EP400: variants seen among roughly 807,000 people sequenced by gnomAD.
EP400 encodes the protein E1A-binding protein p400.
EP400 carries 105 observed loss-of-function variants against 354.1 expected under a neutral mutation model. That is an observed-to-expected ratio of 0.30 (90% confidence interval 0.25 to 0.35). EP400 has a LOEUF of 0.35. EP400 is among the 10% of genes least tolerant of loss of function. The pLI is 1.00. For missense variants in EP400, 3,280 were observed against 4,121.0 expected (o/e 0.80, Z 5.59); for synonymous variants, 1,646 against 1,716.9 (o/e 0.96, Z 1.02).
chr12:132,064,826 C>T lies in EP400; in HGVS notation c.8493C>T (p.Ala2831=), dbSNP rs371615156. 15 of 1,612,296 alleles carry T rather than the reference C, an allele frequency of 9.3e-6. No homozygotes were observed. Among genetic ancestry groups the T allele is most frequent in the Admixed American group, 1.7e-5 (1 of 59,930 alleles). Residue 2831 remains alanine (A), a synonymous_variant, in exon 48 of 53, where the codon GCC becomes GCT. Coordinates refer to ENST00000389561, the MANE Select transcript of EP400 (RefSeq NM_015409.5). ...GCCCCCAGCTCACGACGGTCACGGC[C>T]CCAAGGCCTGGTGCCCTGCTGACGG... is the stretch of plus-strand genomic sequence containing the variant. ...QQSPQLTTVT[A]PRPGALLTGT...
chr12:132,071,148 T>C (rs1378473052), intron 51 of EP400, among the ~76,000 whole-genome samples: 1 of 152,224 alleles, frequency 6.6e-6, no homozygotes, highest in African/African-American at 2.4e-5. Context: ...GAAAATTCTG[T>C]TCTTTTCTAC....
chr12:132,029,254 C>T lies in EP400; in HGVS notation c.5382-447C>T, dbSNP rs368864657. ...CAAGGTGGGCCTTAGGTTGGCTGTG[C>T]GATCTTCGCTCTATTGTCATTGTCC... On this transcript the variant is annotated intron_variant, in intron 27 of 52. Transcript: ENST00000389561. This position sits in a 1 kb window ranked among gnomAD's most constrained non-coding sequence, Gnocchi z 4.7. 21 of 170,838 alleles carry T rather than the reference C, an allele frequency of 1.2e-4. No individual in the cohort carries two copies. The East Asian group carries it at 2.5e-3, about 21-fold the overall frequency. The allele number at this position is 170,838 out of a possible 1,614,324, so 10.6% of individuals were successfully genotyped here.
intron 23 of EP400, among the ~76,000 whole-genome samples, chr12:132,022,882 G>C (rs1436077090): frequency 1.3e-5 from 2 of 152,122 alleles, no homozygotes; most frequent in Non-Finnish European, 2.9e-5. Flanking sequence ...TGAGGCTGCA[G>C]TGAGCTATAA....
At chr12:132,049,913 C>G (rs61944621) in intron 39 of EP400, among the ~76,000 whole-genome samples, 19,138 of 152,232 alleles carry the variant, frequency 0.13, 1,652 homozygotes, top group African/African-American at 0.24. Flanking sequence ...GCCTCACTGT[C>G]CACCGTGGGC....
rs1338503971 is a variant in EP400 at position 132,075,626 on chromosome 12, A to G, written c.9022-890A>G. 1 of 152,260 alleles carries G rather than the reference A, an allele frequency of 6.6e-6. No homozygotes were observed. The highest frequency in any genetic ancestry group is 2.4e-5 in the African/African-American group (1 of 41,466). The allele number at this position is 152,260 out of a possible 1,614,324, so 9.4% of individuals were successfully genotyped here. On this transcript the variant is annotated intron_variant, in intron 51 of 52. Coordinates refer to ENST00000389561, the MANE Select transcript of EP400 (RefSeq NM_015409.5). This position sits in a 1 kb window ranked among gnomAD's most constrained non-coding sequence, Gnocchi z 4.5. Reference sequence around the variant, plus strand: ...ATAATTGTTTAAGTGACAGTAAACTAGTAAATGCCTTCTGATTGATTTTAA... The same window carrying G: ...ATAATTGTTTAAGTGACAGTAAACTGGTAAATGCCTTCTGATTGATTTTAA...
chr12:131,990,042 C>A lies in EP400; in HGVS notation c.2488C>A (p.Leu830Met). 6.2e-7 allele frequency: 1 copy of A among 1,613,588 alleles called. No individual in the cohort carries two copies. The highest frequency in any genetic ancestry group is 8.5e-7 in the Non-Finnish European group (1 of 1,179,906). The change falls in exon 8 of 53, where the codon CTG becomes ATG. Residue 830 changes from leucine (L) to methionine (M), a missense_variant. Transcript: ENST00000389561. The surrounding 1 kb of genome is among the most constrained non-coding windows in gnomAD (Gnocchi z 4.2). ...GGGGAAGAAGGAAGAGCAGAGCAGA[C>A]TGAGGCGGATAGCCGCCTCCACGGC... ...ERGKKEEQSRLRRIAASTARE... is the reference protein window; with the variant it reads ...ERGKKEEQSRMRRIAASTARE...
At chr12:131,967,375 T>C (rs1387470470) in intron 2 of EP400, among the ~76,000 whole-genome samples, 1 of 150,252 alleles carries the variant, frequency 6.7e-6, no homozygotes, top group Non-Finnish European at 1.5e-5. Flanking sequence ...AGCAAGACTC[T>C]GACTCAAAAA....
rs1895255637 is a variant in EP400, at chr12:132,050,580, C to G, written c.7338-19C>G. On this transcript the variant is annotated intron_variant, in intron 40 of 52. Coordinates refer to ENST00000389561, the MANE Select transcript of EP400 (RefSeq NM_015409.5). This position sits in a 1 kb window ranked among gnomAD's most constrained non-coding sequence, Gnocchi z 4.8. ...ATTTCCTTTATTTAATAATTGCTGT[C>G]TCACTGTCTATACTTCAGGCTTGGC... The G allele has an allele frequency of 6.2e-7, 1 of 1,614,138 alleles. No individual in the cohort carries two copies. The highest frequency in any genetic ancestry group is 8.5e-7 in the Non-Finnish European group (1 of 1,179,972).
Position 131,992,235 on chromosome 12 carries a change from G to A in EP400, c.2737+5G>A. On this transcript the variant is annotated splice_donor_5th_base_variant and intron_variant, in intron 11 of 52. Coordinates refer to ENST00000389561, the MANE Select transcript of EP400 (RefSeq NM_015409.5). Reference sequence around the variant, plus strand: ...TATCTTTGACTGATGACGAAGGTCTGTTCCCCCTCAGCACTATCTTTGTCA... The same window carrying A: ...TATCTTTGACTGATGACGAAGGTCTATTCCCCCTCAGCACTATCTTTGTCA... The A allele has an allele frequency of 1.9e-6, 3 of 1,609,486 alleles. No individual in the cohort carries two copies. Among genetic ancestry groups the A allele is most frequent in the South Asian group, 1.1e-5 (1 of 90,922 alleles).
At position 132,020,038 on chromosome 12, in the gene EP400, T is replaced by C. The variant is rs1894072727; in HGVS notation, c.4278-11T>C. Reference sequence around the variant, plus strand: ...CTCTGTATCTTCTTGCCTGGACCAATGGGCATCTAGGTTGTTTCAGCCTGT... The same window carrying C: ...CTCTGTATCTTCTTGCCTGGACCAACGGGCATCTAGGTTGTTTCAGCCTGT... On this transcript the variant is annotated splice_polypyrimidine_tract_variant and intron_variant, in intron 21 of 52. Coordinates refer to ENST00000389561, the MANE Select transcript of EP400 (RefSeq NM_015409.5). 2 of 1,518,948 alleles carry C rather than the reference T, an allele frequency of 1.3e-6. No homozygotes were observed. The allele number at this position is 1,518,948 out of a possible 1,614,324, so 94.1% of individuals were successfully genotyped here. A position where few individuals can be genotyped will look rare whatever the true frequency, so the allele number is the denominator to read the frequency against.
intron 11 of EP400, 77 bp downstream of exon 11, chr12:131,992,307 G>T: frequency 1.5e-6 from 2 of 1,348,854 alleles, no homozygotes; most frequent in South Asian, 1.3e-5. Context: ...GCGACTTGGG[G>T]TTTAGTCTTG....
intron 45 of EP400, among the ~76,000 whole-genome samples, chr12:132,058,918 T>C (rs930398332): frequency 2.6e-5 from 4 of 151,886 alleles, no homozygotes; most frequent in Admixed American, 1.3e-4. Flanking sequence ...TCCTGAATAG[T>C]TGGGATGCGA....
At chr12:132,028,451 G>A (rs1275627810) in intron 27 of EP400, among the ~76,000 whole-genome samples, 163 bp downstream of exon 27, 1 of 152,198 alleles carries the variant, frequency 6.6e-6, no homozygotes, top group African/African-American at 2.4e-5. Flanking sequence ...TCAGCTTTGG[G>A]ATCAGATGGT....
chr12:131,986,632 C>G lies in EP400; in HGVS notation c.2048C>G (p.Ala683Gly). ...VSGSGPGPSP[A>G]RSSPVNRPSS... ...GGCTCCGGCCCAGGACCCTCCCCTG[C>G]TCGATCCTCTCCAGTAAATAGACCT... Residue 683 changes from alanine to glycine, a missense_variant, in exon 6 of 53, where the codon GCT (alanine) becomes GGT (glycine). By Grantham distance (60) the Ala-to-Gly change is moderately conservative. Around this residue, in one of 20 missense-constraint regions of EP400, gnomAD observed 800 missense variants for 840.0 expected, o/e 0.95. Transcript: ENST00000389561. The G allele has an allele frequency of 6.2e-7, 1 of 1,614,088 alleles. No homozygotes were observed. The highest frequency in any genetic ancestry group is 8.5e-7 in the Non-Finnish European group (1 of 1,180,018).
chr12:131,999,160 C>G (rs1473922978), intron 12 of EP400, among the ~76,000 whole-genome samples: 1 of 151,778 alleles, frequency 6.6e-6, no homozygotes, highest in Non-Finnish European at 1.5e-5. Context: ...TGTTTGTTGC[C>G]TACTGACCCC....
chr12:132,062,851 A>C (rs1428900491), intron 47 of EP400, 150 bp downstream of exon 47: 6 of 1,020,150 alleles, frequency 5.9e-6, no homozygotes, highest in Non-Finnish European at 8.5e-6. Flanking sequence ...GCTTCGTTTT[A>C]TTGGTCTAAA....
At chr12:131,965,010 G>A (rs949258861) in intron 2 of EP400, among the ~76,000 whole-genome samples, 2 of 152,236 alleles carry the variant, frequency 1.3e-5, no homozygotes, top group African/African-American at 2.4e-5. Flanking sequence ...GGGCCTGGGC[G>A]TTAAAAAGTA....
chr12:132,076,620 C>T, intron 52 of EP400, 27 bp downstream of exon 52: 2 of 1,584,082 alleles, frequency 1.3e-6, no homozygotes, highest in Non-Finnish European at 1.7e-6. Context: ...AAGTGGAAAC[C>T]TCACATTTCC....
In EP400 at chr12:132,062,610, A is replaced by AGAC. The variant is rs756389107; in HGVS notation, c.8253_8255dup (p.Thr2752dup). Reference sequence around the variant, plus strand: ...CAGCAGCAACAGCAGCAGCAGCAACAGACGACGACGACCTCTCAGGTGCAA... The same window carrying AGAC: ...CAGCAGCAACAGCAGCAGCAGCAACAGACGACGACGACGACCTCTCAGGTGCAA... On this transcript the variant is annotated inframe_insertion, in exon 47 of 53. Coordinates refer to ENST00000389561, the MANE Select transcript of EP400 (RefSeq NM_015409.5). The AGAC allele has an allele frequency of 2.5e-6, 4 of 1,614,126 alleles. No homozygotes were observed. The Middle Eastern group carries it at 5.0e-4, about 200-fold the overall frequency.
Sources: allele counts gnomAD v4.1 joint callset (sites outside exome capture counted in the v4.1 genomes callset), GRCh38; gene constraint gnomAD v4.1.1; regional missense constraint gnomAD v4.1.1; non-coding constraint Gnocchi (gnomAD v3.1); transcripts MANE v1.5; gene names NCBI Gene and HGNC (gene_info 2026-07-23, HGNC 2026-07-21).